Variants in RAB27A observed in about 807,000 individuals in gnomAD.
The protein encoded by RAB27A is RAB27A, member RAS oncogene family.
Under a neutral mutation model 20.8 loss-of-function variants are expected in RAB27A, and 17 were observed. That is an observed-to-expected ratio of 0.82 (90% CI 0.56 to 1.23). The LOEUF (loss-of-function observed/expected upper bound fraction) is 1.23. RAB27A is among the 50% of genes most tolerant of loss of function. The pLI, the probability that RAB27A is intolerant of heterozygous loss-of-function variation, is 0.00. For missense variants in RAB27A, 277 were observed against 266.7 expected (o/e 1.04, Z -0.27); for synonymous variants, 85 against 92.8 (o/e 0.92, Z 0.48).
At chr15:55,277,064 C>G (rs1249649068) in intron 1 of RAB27A, among the ~76,000 whole-genome samples, 1 of 152,024 alleles carries the variant, frequency 6.6e-6, no homozygotes, top group Non-Finnish European at 1.5e-5. Flanking sequence ...AACGTAGGAA[C>G]AAATGAACAA....
Position 55,234,786 on chromosome 15 carries a change from CT to C in RAB27A, c.148del (p.Arg50GlufsTer35). The C allele has an allele frequency of 6.2e-7, 1 of 1,609,920 alleles. No homozygotes were observed. Among genetic ancestry groups the C allele is most frequent in the Non-Finnish European group, 8.5e-7 (1 of 1,176,564 alleles). On this transcript the variant is annotated frameshift_variant, in exon 3 of 7. Coordinates refer to ENST00000336787, the MANE Select transcript of RAB27A (RefSeq NM_183235.3). LOFTEE classifies it high-confidence loss of function. ...ATAGAAGGATATAGAACTTACCACT[CT>C]TTTTTCCCTGAAATCAATGCCCACT... ...TTVGIDFREK[R>X]VVYRASGPDG...
intron 6 of RAB27A, among the ~76,000 whole-genome samples, chr15:55,206,828 G>C (rs1302958690): frequency 6.6e-6 from 1 of 151,944 alleles, no homozygotes; most frequent in East Asian, 1.9e-4. Context: ...TGATAATCTT[G>C]ACAATGTTAA....
intron 2 of RAB27A, among the ~76,000 whole-genome samples, chr15:55,307,584 G>A (rs528159105): frequency 1.1e-4 from 17 of 151,978 alleles, no homozygotes; most frequent in South Asian, 1.0e-3. Flanking sequence ...AGGGAAGTCC[G>A]AATCTGGGAA....
At chr15:55,212,530 A>ATTTT (rs1566898589) in intron 6 of RAB27A, among the ~76,000 whole-genome samples, 4 of 128,698 alleles carry the variant, frequency 3.1e-5, no homozygotes, top group African/African-American at 1.5e-4. Context: ...AGAGCAACAA[A>ATTTT]TCTTTTTTTT....
intron 6 of RAB27A, among the ~76,000 whole-genome samples, chr15:55,211,245 T>C (rs1165617178): frequency 6.6e-5 from 10 of 152,150 alleles, no homozygotes; most frequent in Non-Finnish European, 1.5e-4. Flanking sequence ...TGAGGGTCTT[T>C]TGTGGTTCCA....
intron 2 of RAB27A, among the ~76,000 whole-genome samples, chr15:55,303,630 C>T (rs76874596): frequency 9.4e-6 from 1 of 106,068 alleles, no homozygotes; most frequent in South Asian, 3.8e-4. Flanking sequence ...GCCCCCCGCC[C>T]GGCCAGCCGC....
chr15:55,280,504 TA>T (rs202072073), intron 1 of RAB27A, among the ~76,000 whole-genome samples: 4,332 of 35,828 alleles, frequency 0.12, 239 homozygotes, highest in African/African-American at 0.36. Flanking sequence ...GGGTATGGTT[TA>T]TATATATATA....
intron 6 of RAB27A, among the ~76,000 whole-genome samples, chr15:55,212,644 C>T (rs1420179733): frequency 6.6e-6 from 1 of 151,992 alleles, no homozygotes; most frequent in Non-Finnish European, 1.5e-5. Flanking sequence ...ATTCTCCTGC[C>T]TCAGCCTCCC....
At position 55,203,158 on chromosome 15, in the gene RAB27A, T is replaced by G. The variant is rs76970799; in HGVS notation, c.*2349A>C. ...TCAATAATTAAAGGTGGCTTTTGTG[T>G]GTGCACTATATCATGTATACACTTA... On this transcript the variant is annotated 3_prime_UTR_variant, in exon 7 of 7. Transcript: ENST00000336787. 1 of 152,222 alleles carries G rather than the reference T, an allele frequency of 6.6e-6. No individual in the cohort carries two copies. The highest frequency in any genetic ancestry group is 1.5e-5 in the Non-Finnish European group (1 of 68,038). 9.4% of individuals were successfully genotyped at this position (152,222 alleles called of 1,614,324 possible). A position where few individuals can be genotyped will look rare whatever the true frequency, so the allele number is the denominator to read the frequency against.
rs182003647 is a variant in RAB27A at position 55,309,602 on chromosome 15, T to C, written c.-112+4437A>G. Among the ~76,000 whole-genome samples the C allele has an allele frequency of 2.7e-3, 405 of 152,190 alleles. 5 individuals carry two copies. The highest frequency in any genetic ancestry group is 2.8e-3 in the Non-Finnish European group (193 of 68,016). On this transcript the variant is annotated intron_variant, in intron 2 of 5. Coordinates refer to the RAB27A transcript ENST00000563262. The stretch of plus-strand genomic sequence containing the variant: ...GAGTTGAGATGTTGGGTTCAAAGGA[T>C]CTTCAAAGGCAAACAAGAATTGAGA...
chr15:55,241,414 G>A (rs912865822), intron 2 of RAB27A, among the ~76,000 whole-genome samples: 3 of 151,596 alleles, frequency 2.0e-5, no homozygotes, highest in Admixed American at 2.0e-4. Flanking sequence ...AGAAAGCAAG[G>A]AACACCCATT....
intron 2 of RAB27A, among the ~76,000 whole-genome samples, chr15:55,263,178 A>G (rs1328260813): frequency 2.6e-5 from 4 of 151,992 alleles, no homozygotes; most frequent in Admixed American, 6.6e-5. Flanking sequence ...TTCTCTTTCA[A>G]AGTAATTCTG....
intron 1 of RAB27A, among the ~76,000 whole-genome samples, chr15:55,275,259 CAAAAAA>C (rs59710970): frequency 7.6e-6 from 1 of 131,098 alleles, no homozygotes; most frequent in Non-Finnish European, 1.7e-5. Context: ...CTAACAACAA[CAAAAAA>C]AAAAAGACAA....
chr15:55,224,920 G>A (rs563046831), intron 5 of RAB27A, among the ~76,000 whole-genome samples: 1 of 152,284 alleles, frequency 6.6e-6, no homozygotes, highest in South Asian at 2.1e-4. Flanking sequence ...TCATGAGAAA[G>A]TCAAGTAGGC....
intron 2 of RAB27A, among the ~76,000 whole-genome samples, chr15:55,255,649 A>G (rs1335353292): frequency 6.6e-6 from 1 of 152,164 alleles, no homozygotes; most frequent in African/African-American, 2.4e-5. Flanking sequence ...ATTAAACCAT[A>G]TTTACATCCA....
At chr15:55,312,144 C>T (rs1429521325) in intron 2 of RAB27A, among the ~76,000 whole-genome samples, 1 of 152,236 alleles carries the variant, frequency 6.6e-6, no homozygotes, top group Non-Finnish European at 1.5e-5. Context: ...TCAGTCCGAT[C>T]AGGAGTGGCA....
exon 1 of RAB27A, chr15:55,318,937 C>T (rs1032154308): frequency 3.3e-6 from 1 of 305,866 alleles, no homozygotes; most frequent in Non-Finnish European, 6.1e-6. Context: ...GTACCTCCGA[C>T]TGTTCTGCGC....
At chr15:55,303,541 G>A (rs1261523009) in intron 2 of RAB27A, among the ~76,000 whole-genome samples, 3 of 56,768 alleles carry the variant, frequency 5.3e-5, no homozygotes, top group African/African-American at 9.7e-5. Flanking sequence ...CCGGCCAGCC[G>A]CCCCGTCCGG....
Position 55,203,380 on chromosome 15 carries a change from A to G in RAB27A, c.*2127T>C, listed in dbSNP as rs1894484225. On this transcript the variant is annotated 3_prime_UTR_variant, in exon 7 of 7. Coordinates refer to ENST00000336787, the MANE Select transcript of RAB27A (RefSeq NM_183235.3). ...TGCACTGAAGTCTTATGGCAACTAT[A>G]TAAGGCACTGCTGTGTGATTATGAC... The G allele has an allele frequency of 6.6e-6, 1 of 151,120 alleles. No homozygotes were observed. The highest frequency in any genetic ancestry group is 2.1e-4 in the South Asian group (1 of 4,778). 9.4% of individuals were successfully genotyped at this position (151,120 alleles called of 1,614,324 possible).
Sources: allele counts gnomAD v4.1 joint callset (sites outside exome capture counted in the v4.1 genomes callset), GRCh38; gene constraint gnomAD v4.1.1; transcripts MANE v1.5; gene names NCBI Gene and HGNC (gene_info 2026-07-23, HGNC 2026-07-21).